TSPAN16: variants seen among roughly 807,000 people sequenced by gnomAD.
TSPAN16 encodes tetraspanin-16.
A neutral mutation model predicts 25.2 loss-of-function variants in TSPAN16; 23 were observed. The observed-to-expected ratio is 0.91, with a 90% CI of 0.66 to 1.29. The LOEUF is 1.29. TSPAN16 is among the 50% of genes most tolerant of loss of function. TSPAN16 has a pLI of 0.00. For missense variants in TSPAN16, 272 were observed against 299.9 expected, an observed-to-expected ratio of 0.91 and a Z score of 0.69; for synonymous variants, 123 against 124.4, an observed-to-expected ratio of 0.99 and a Z score of 0.08.
At chr19:11,324,517 C>T (rs1175594530) in intron 6 of TSPAN16, 1 of 136,940 alleles carries the variant, frequency 7.3e-6, no homozygotes, top group Admixed American at 6.7e-5. Flanking sequence ...TAAACAGGGC[C>T]TGGGAGGGAG....
chr19:11,321,178 A>AC (rs2080777428), intron 6 of TSPAN16: 1 of 151,990 alleles, frequency 6.6e-6, no homozygotes, highest in African/African-American at 2.4e-5. Flanking sequence ...AAAAAAAAAA[A>AC]AACAAAAAAA....
intron 4 of TSPAN16, among the ~76,000 whole-genome samples, chr19:11,304,364 C>CA (rs2080602521): frequency 6.6e-6 from 1 of 151,224 alleles, no homozygotes; most frequent in Non-Finnish European, 1.5e-5. Flanking sequence ...GTACTTAAGA[C>CA]AGAGTCGTAC....
rs2080477193 is a variant in TSPAN16 at position 11,296,305 on chromosome 19, A to G, written c.8A>G (p.Glu3Gly). The G allele has an allele frequency of 6.2e-7, 1 of 1,614,170 alleles. No homozygotes were observed. Among genetic ancestry groups the G allele is most frequent in the Non-Finnish European group, 8.5e-7 (1 of 1,180,022 alleles). Residue 3 changes from glutamate to glycine, a missense_variant, in exon 1 of 7, where the codon GAA becomes GGA. Coordinates refer to ENST00000590327, the MANE Select transcript of TSPAN16 (RefSeq NM_001282509.2). Reference protein sequence around the residue: MAEIHTPYSSLKK... With the variant: MAGIHTPYSSLKK... Reference sequence around the variant, plus strand: ...TGCCCCAGTCTGTTCAGCATGGCTGAAATCCACACTCCGTATTCTTCCTTG... The same window carrying G: ...TGCCCCAGTCTGTTCAGCATGGCTGGAATCCACACTCCGTATTCTTCCTTG...
intron 4 of TSPAN16, among the ~76,000 whole-genome samples, chr19:11,303,553 T>TA (rs1261852853): frequency 7.5e-5 from 4 of 53,494 alleles, no homozygotes; most frequent in Non-Finnish European, 1.5e-4. Flanking sequence ...GAATGATCAA[T>TA]AAAAAATAAA....
chr19:11,298,072 G>A (rs1217480005), intron 1 of TSPAN16, 70 bp from the exon 2 acceptor site: 9 of 1,524,020 alleles, frequency 5.9e-6, no homozygotes, highest in African/African-American at 2.7e-5. Context: ...ATGAGCCACC[G>A]CACTCACCCA....
At position 11,296,176 on chromosome 19, in the gene TSPAN16, G is replaced by C. The variant is rs1340926720; in HGVS notation, c.-122G>C. On this transcript the variant is annotated 5_prime_UTR_variant, in exon 1 of 7. Coordinates refer to ENST00000590327, the MANE Select transcript of TSPAN16 (RefSeq NM_001282509.2). ...ACAACCATCAGGCAGCCAGGACACA[G>C]AGGGGCAGAGCAAGTCAGCATTGGC... 2 of 1,018,054 alleles carry C rather than the reference G, an allele frequency of 2.0e-6. No homozygotes were observed. The highest frequency in any genetic ancestry group is 2.5e-5 in the East Asian group (1 of 40,584). 63.1% of individuals were successfully genotyped at this position (1,018,054 alleles called of 1,614,324 possible). A position where few individuals can be genotyped will look rare whatever the true frequency, so the allele number is the denominator to read the frequency against.
intron 1 of TSPAN16, 34 bp downstream of exon 1, chr19:11,296,400 T>G (rs370985768): frequency 2.8e-5 from 45 of 1,604,062 alleles, no homozygotes; most frequent in Admixed American, 1.0e-4. Context: ...CCTGGTTTGT[T>G]GCAGCCCTTC....
chr19:11,317,649 C>T (rs964061975), downstream of TSPAN16, among the ~76,000 whole-genome samples: 11 of 151,866 alleles, frequency 7.2e-5, no homozygotes, highest in African/African-American at 2.4e-4. Flanking sequence ...CATGTGCCAC[C>T]ATGCCTGGCT....
chr19:11,315,385 G>A (rs1208221383), intron 6 of TSPAN16, among the ~76,000 whole-genome samples: 7 of 147,844 alleles, frequency 4.7e-5, no homozygotes, highest in East Asian at 2.0e-4. Context: ...ATAAAACCCC[G>A]TCTCTACTAA....
At position 11,296,209 on chromosome 19, in the gene TSPAN16, C is replaced by T. The variant is rs1416282236; in HGVS notation, c.-89C>T. 1 of 1,403,930 alleles carries T rather than the reference C, an allele frequency of 7.1e-7. No individual in the cohort carries two copies. Among genetic ancestry groups the T allele is most frequent in the Non-Finnish European group, 1.0e-6 (1 of 1,001,202 alleles). 87.0% of individuals were successfully genotyped at this position (1,403,930 alleles called of 1,614,324 possible). A position where few individuals can be genotyped will look rare whatever the true frequency, so the allele number is the denominator to read the frequency against. On this transcript the variant is annotated 5_prime_UTR_variant, in exon 1 of 7. Coordinates refer to ENST00000590327, the MANE Select transcript of TSPAN16 (RefSeq NM_001282509.2). ...GAGCAAGTCAGCATTGGCGCCCCTT[C>T]CTCAGATCCCTATCATCTTGGGAAA...
chr19:11,298,249 C>A lies in TSPAN16; in HGVS notation c.177C>A (p.Asn59Lys), dbSNP rs546999165. 1.5e-4 allele frequency: 245 copies of A among 1,614,102 alleles called. No individual in the cohort carries two copies. Among genetic ancestry groups the A allele is most frequent in the South Asian group, 9.8e-4 (89 of 91,084 alleles). The change falls in exon 2 of 7, where the codon AAC becomes AAA. Residue 59 changes from asparagine to lysine, a missense_variant. By Grantham distance (94) the Asn-to-Lys change is moderately conservative (BLOSUM62 0). Transcript: ENST00000590327. ...CCGCATACCTCCTTCACGTTGGCAACCTGTGCCTGGTGATGGGATGCATCA... is the reference window on the plus strand; with the variant it reads ...CCGCATACCTCCTTCACGTTGGCAAACTGTGCCTGGTGATGGGATGCATCA... ...LSSAYLLHVG[N>K]LCLVMGCITV...
intron 6 of TSPAN16, among the ~76,000 whole-genome samples, chr19:11,314,060 C>G (rs2080720886): frequency 6.6e-6 from 1 of 151,936 alleles, no homozygotes; most frequent in Non-Finnish European, 1.5e-5. Context: ...CGTGGATGAC[C>G]CATATCAACA....
chr19:11,300,071 T>C (rs2080527518), intron 3 of TSPAN16, among the ~76,000 whole-genome samples: 1 of 151,580 alleles, frequency 6.6e-6, no homozygotes, highest in Admixed American at 6.6e-5. Flanking sequence ...CAAGTTAAAA[T>C]ACATCGACAC....
At chr19:11,311,847 C>T (rs983717345) in intron 5 of TSPAN16, among the ~76,000 whole-genome samples, 8 of 152,188 alleles carry the variant, frequency 5.3e-5, no homozygotes, top group South Asian at 2.1e-4. Context: ...TAGTAATAAT[C>T]GAGGATGTCC....
intron 6 of TSPAN16, chr19:11,323,224 GC>G (rs2080791478): frequency 6.6e-6 from 1 of 151,838 alleles, no homozygotes. Flanking sequence ...TTTGACTCCC[GC>G]CCACATATTC....
chr19:11,303,078 G>A (rs968252827), intron 4 of TSPAN16, among the ~76,000 whole-genome samples: 2 of 150,462 alleles, frequency 1.3e-5, no homozygotes, highest in African/African-American at 5.0e-5. Context: ...CATTGAGAAC[G>A]GGCCAGGATG....
In TSPAN16 at chr19:11,303,479, GC is replaced by G. The variant is rs2080589571; in HGVS notation, c.450+2172del. 3.6e-5 allele frequency among the ~76,000 whole-genome samples: 5 copies of G among 138,134 alleles called. No homozygotes were observed. The South Asian group carries it at 1.2e-3, about 32-fold the overall frequency. The allele number at this position is 138,134 out of a possible 152,430, so 90.6% of individuals were successfully genotyped here. ...GAGACCTTTGTTCACTTGTTTATCT[GC>G]TGACCTTCCCTCCACTATTGTCCTA... On this transcript the variant is annotated intron_variant, in intron 4 of 6. Coordinates refer to ENST00000590327, the MANE Select transcript of TSPAN16 (RefSeq NM_001282509.2).
chr19:11,325,467 T>TG (rs1297063800), intron 6 of TSPAN16: 1 of 1,612,484 alleles, frequency 6.2e-7, no homozygotes, highest in Non-Finnish European at 8.5e-7. Flanking sequence ...CGTTGCTGCC[T>TG]GAGCTGGAGC....
intron 6 of TSPAN16, chr19:11,325,423 G>A (rs1290039405): frequency 7.9e-7 from 1 of 1,266,636 alleles, no homozygotes; most frequent in East Asian, 2.9e-5. Context: ...GCTGGGCTGG[G>A]GGGCTGGAGC....
Sources: allele counts gnomAD v4.1 joint callset (sites outside exome capture counted in the v4.1 genomes callset), GRCh38; gene constraint gnomAD v4.1.1; transcripts MANE v1.5; gene names NCBI Gene and HGNC (gene_info 2026-07-23, HGNC 2026-07-21).